The following LYSMD3 variants were observed in gnomAD, a reference collection of about 807,000 sequenced individuals.
LYSMD3 encodes LysM domain containing 3, also known as lysM and putative peptidoglycan-binding domain-containing protein 3.
LYSMD3 carries 13 observed loss-of-function variants against 26.1 expected under a neutral mutation model. The ratio of observed to expected loss-of-function variants is 0.50; its 90% CI spans 0.32 to 0.79. LYSMD3 has a LOEUF of 0.79. Ranked by LOEUF, LYSMD3 falls within the 30% of genes least tolerant of loss-of-function variation. LYSMD3 has a pLI of 0.03. For synonymous variants in LYSMD3, 109 were observed against 119.4 expected, an observed-to-expected ratio of 0.91 and a Z score of 0.57; for missense variants, 331 against 362.5, an observed-to-expected ratio of 0.91 and a Z score of 0.71.
At position 90,519,228 on chromosome 5, in the gene LYSMD3, A is replaced by G. The variant is rs201702752; in HGVS notation, c.512T>C (p.Ile171Thr). 2 of 1,613,926 alleles carry G rather than the reference A, an allele frequency of 1.2e-6. No individual in the cohort carries two copies. ...LKEVDRDIEQ[I>T]VKCTDNKREN... The stretch of plus-strand genomic sequence containing the variant: ...TCTCTTATTGTCTGTACACTTTACT[A>G]TTTGTTCTATGTCTCGGTCTACTTC... Residue 171 changes from isoleucine to threonine, a missense_variant, in exon 3 of 3, where the codon ATA becomes ACA. Physicochemically the swap from Ile to Thr is moderately conservative, Grantham distance 89. This residue lies in a region of LYSMD3 where 262 missense variants were observed against 267.3 expected (regional missense o/e 0.98). Coordinates refer to ENST00000315948, the MANE Select transcript of LYSMD3 (RefSeq NM_198273.2).
At chr5:90,524,414 A>T (rs1042756241) in intron 2 of LYSMD3, among the ~76,000 whole-genome samples, 5 of 152,200 alleles carry the variant, frequency 3.3e-5, no homozygotes, top group African/African-American at 1.2e-4. Context: ...ATCTCAAGAA[A>T]TTGGGGCAGG....
chr5:90,517,263 A>G lies in LYSMD3; in HGVS notation c.*1556T>C, dbSNP rs956162860. On this transcript the variant is annotated 3_prime_UTR_variant, in exon 3 of 3. Coordinates refer to ENST00000315948, the MANE Select transcript of LYSMD3 (RefSeq NM_198273.2). ...TTCCTGATGGTCTTCTCCTGAAAGT[A>G]CATAAAACTGCATTTGCCATAAATA... 4 of 152,130 alleles carry G rather than the reference A, an allele frequency of 2.6e-5. No homozygotes were observed. Among genetic ancestry groups the G allele is most frequent in the Non-Finnish European group, 5.9e-5 (4 of 67,922 alleles). 9.4% of individuals were successfully genotyped at this position (152,130 alleles called of 1,614,324 possible). A position where few individuals can be genotyped will look rare whatever the true frequency, so the allele number is the denominator to read the frequency against.
chr5:90,529,361 G>A (rs1283363691), intron 1 of LYSMD3, 87 bp downstream of exon 1: 4 of 455,962 alleles, frequency 8.8e-6, no homozygotes, highest in Middle Eastern at 3.2e-4. Context: ...CTGTGGCCGA[G>A]GCTCAGCGCC....
Position 90,518,925 on chromosome 5 carries a change from ATT to A in LYSMD3, c.813_814del (p.Glu271AspfsTer9), listed in dbSNP as rs1753016294. On this transcript the variant is annotated frameshift_variant, in exon 3 of 3. Coordinates refer to ENST00000315948, the MANE Select transcript of LYSMD3 (RefSeq NM_198273.2). LOFTEE classifies it high-confidence loss of function. ...TTTAGTTGGCACAATTCCATTTTCC[ATT>A]TCTCTCTGCTGTGATGGGGGTGTGA... 6.2e-7 allele frequency: 1 copy of A among 1,613,798 alleles called. No individual in the cohort carries two copies. Among genetic ancestry groups the A allele is most frequent in the Non-Finnish European group, 8.5e-7 (1 of 1,179,960 alleles).
rs1027836719 is a variant in LYSMD3, at chr5:90,518,035, T to C, written c.*784A>G. 1 of 152,548 alleles carries C rather than the reference T, an allele frequency of 6.6e-6. No individual in the cohort carries two copies. The highest frequency in any genetic ancestry group is 2.4e-5 in the African/African-American group (1 of 41,446). The allele number at this position is 152,548 out of a possible 1,614,324, so 9.4% of individuals were successfully genotyped here. A position where few individuals can be genotyped will look rare whatever the true frequency, so the allele number is the denominator to read the frequency against. ...ATAATGGTAATATGCACGTTTAATA[T>C]ATTTTTCATCATCAAAACTACAAAA... On this transcript the variant is annotated 3_prime_UTR_variant, in exon 3 of 3. Coordinates refer to ENST00000315948, the MANE Select transcript of LYSMD3 (RefSeq NM_198273.2).
intron 1 of LYSMD3, among the ~76,000 whole-genome samples, chr5:90,527,411 A>T (rs370097603): frequency 8.5e-5 from 12 of 140,692 alleles, no homozygotes; most frequent in South Asian, 2.2e-4. Flanking sequence ...TATTAATGGT[A>T]TTTTTTTTTT....
intron 2 of LYSMD3, among the ~76,000 whole-genome samples, chr5:90,523,850 CAA>C (rs1753151745): frequency 6.6e-6 from 1 of 151,948 alleles, no homozygotes; most frequent in African/African-American, 2.4e-5. Context: ...AGTATGAGAA[CAA>C]AAAGTTTGAA....
chr5:90,524,499 A>C (rs1753167864), intron 2 of LYSMD3, among the ~76,000 whole-genome samples: 1 of 152,252 alleles, frequency 6.6e-6, no homozygotes, highest in Non-Finnish European at 1.5e-5. Context: ...AGTGTTTTTC[A>C]ATACTGAAAT....
In LYSMD3 at chr5:90,525,025, T is replaced by G; in HGVS notation, c.255+10A>C. On this transcript the variant is annotated intron_variant, in intron 2 of 2. Coordinates refer to ENST00000315948, the MANE Select transcript of LYSMD3 (RefSeq NM_198273.2). ...TCTTCTGAATTGCATTATGTAATAT[T>G]AAAACTTACCGTACAACAGTACTGA... 6.4e-7 allele frequency: 1 copy of G among 1,559,106 alleles called. No individual in the cohort carries two copies.
Position 90,519,488 on chromosome 5 carries a change from TGG to T in LYSMD3, c.256-6_256-5del. ...TAACTCTCTTGATATCTGCTACCTG[TGG>T]GGGGGAAAAAAAAGCAACATACAAC... On this transcript the variant is annotated splice_polypyrimidine_tract_variant and splice_region_variant and intron_variant, in intron 2 of 2. Transcript: ENST00000315948. The T allele has an allele frequency of 6.5e-7, 1 of 1,545,882 alleles. No homozygotes were observed. The highest frequency in any genetic ancestry group is 8.7e-7 in the Non-Finnish European group (1 of 1,150,482).
In LYSMD3 at chr5:90,518,195, A is replaced by G; in HGVS notation, c.*624T>C. 1 of 152,246 alleles carries G rather than the reference A, an allele frequency of 6.6e-6. No homozygotes were observed. Among genetic ancestry groups the G allele is most frequent in the East Asian group, 1.9e-4 (1 of 5,204 alleles). 9.4% of individuals were successfully genotyped at this position (152,246 alleles called of 1,614,324 possible). On this transcript the variant is annotated 3_prime_UTR_variant, in exon 3 of 3. Coordinates refer to ENST00000315948, the MANE Select transcript of LYSMD3 (RefSeq NM_198273.2). Reference sequence around the variant, plus strand: ...AGGTCTTCACCTATTCCAGTGTTCTACTGACTTCCCAACCATAATACATTA... The same window carrying G: ...AGGTCTTCACCTATTCCAGTGTTCTGCTGACTTCCCAACCATAATACATTA...
chr5:90,527,636 A>G (rs1032515302), intron 1 of LYSMD3, among the ~76,000 whole-genome samples: 1 of 150,898 alleles, frequency 6.6e-6, no homozygotes, highest in African/African-American at 2.4e-5. Flanking sequence ...GACTATGTGT[A>G]TAAGTTGAAT....
intron 1 of LYSMD3, among the ~76,000 whole-genome samples, chr5:90,526,040 A>C (rs1166527474): frequency 1.3e-5 from 2 of 152,220 alleles, no homozygotes; most frequent in African/African-American, 4.8e-5. Context: ...TTGTGACTAT[A>C]TAACTTATAG....
intron 1 of LYSMD3, among the ~76,000 whole-genome samples, chr5:90,528,986 G>A (rs1753292051): frequency 6.6e-6 from 1 of 152,176 alleles, no homozygotes; most frequent in Admixed American, 6.5e-5. Context: ...CGCTGCCAGG[G>A]ACAATTTTGT....
At chr5:90,522,747 T>C (rs778384369) in intron 2 of LYSMD3, among the ~76,000 whole-genome samples, 15 of 151,604 alleles carry the variant, frequency 9.9e-5, no homozygotes, top group Non-Finnish European at 1.6e-4. Context: ...AACTTTTCCA[T>C]AGTGTCTCAA....
At chr5:90,524,934 GGA>G in intron 2 of LYSMD3, 99 bp downstream of exon 2, 1 of 1,138,378 alleles carries the variant, frequency 8.8e-7, no homozygotes, top group Non-Finnish European at 1.2e-6. Context: ...AGCAAAAAAT[GGA>G]GAAAGGAATA....
chr5:90,525,367 T>A, intron 1 of LYSMD3, 67 bp from the exon 2 acceptor site: 1 of 1,388,590 alleles, frequency 7.2e-7, no homozygotes, highest in Admixed American at 2.2e-5. Context: ...TTTGCATGCA[T>A]CGTACATTCA....
intron 1 of LYSMD3, among the ~76,000 whole-genome samples, chr5:90,528,420 G>C (rs1013718493): frequency 3.3e-5 from 5 of 152,102 alleles, no homozygotes; most frequent in Middle Eastern, 3.2e-3. Context: ...ATGCCCCAAA[G>C]CCATTTTAGA....
At position 90,519,375 on chromosome 5, in the gene LYSMD3, C is replaced by A; in HGVS notation, c.365G>T (p.Cys122Phe). 6.2e-7 allele frequency: 1 copy of A among 1,614,018 alleles called. No homozygotes were observed. The highest frequency in any genetic ancestry group is 2.2e-5 in the East Asian group (1 of 44,870). ...TGAAGTCTGTCTTCCTTTTGGAGGA[C>A]AAAGTGTTTCGGTCAAGGAACTGAA... ...KKFSSLTETL[C>F]PPKGRQTSRH... The change falls in exon 3 of 3, where the codon TGT (cysteine) becomes TTT (phenylalanine). Residue 122 changes from cysteine (C) to phenylalanine (F), a missense_variant. Physicochemically the swap from Cys to Phe is radical, Grantham distance 205 (BLOSUM62 -2). This residue lies in a region of LYSMD3 where 262 missense variants were observed against 267.3 expected (regional missense o/e 0.98). Transcript: ENST00000315948.
Sources: allele counts gnomAD v4.1 joint callset (sites outside exome capture counted in the v4.1 genomes callset), GRCh38; gene constraint gnomAD v4.1.1; regional missense constraint gnomAD v4.1.1; transcripts MANE v1.5; gene names NCBI Gene and HGNC (gene_info 2026-07-23, HGNC 2026-07-21).